The following DIS3L2 variants were observed in gnomAD, a reference collection of about 807,000 sequenced individuals.
DIS3L2 encodes the protein DIS3-like exonuclease 2.
A neutral mutation model predicts 97.5 loss-of-function variants in DIS3L2; 34 were observed. That is an observed-to-expected ratio of 0.35 (90% CI 0.27 to 0.46). The LOEUF (loss-of-function observed/expected upper bound fraction) is 0.46, where lower values mean the gene tolerates loss of function less well. DIS3L2 is among the 20% of genes least tolerant of loss of function. The pLI is 1.00. For synonymous variants in DIS3L2, 435 were observed against 445.2 expected, an observed-to-expected ratio of 0.98 and a Z score of 0.29; for missense variants, 1,038 against 1,146.0, an observed-to-expected ratio of 0.91 and a Z score of 1.36.
intron 14 of DIS3L2, among the ~76,000 whole-genome samples, chr2:232,327,867 C>T (rs1695621008): frequency 6.6e-6 from 1 of 152,238 alleles, no homozygotes; most frequent in Non-Finnish European, 1.5e-5. Context: ...CCTGCCAGTG[C>T]AGAACCTGTT....
intron 9 of DIS3L2, among the ~76,000 whole-genome samples, chr2:232,200,422 G>T (rs1193297516): frequency 6.6e-6 from 1 of 152,212 alleles, no homozygotes; most frequent in Non-Finnish European, 1.5e-5. Flanking sequence ...CCTTAGGGAA[G>T]TCGGTAATTA....
At position 232,238,634 on chromosome 2, in the gene DIS3L2, T is replaced by G; in HGVS notation, c.1306T>G (p.Leu436Val). Residue 436 changes from leucine to valine, a missense_variant, in exon 11 of 21, where the codon TTG becomes GTG. Physicochemically the swap from Leu to Val is conservative, Grantham distance 32. This residue lies in a region of DIS3L2 where 813 missense variants were observed against 880.1 expected (regional missense o/e 0.92). Coordinates refer to ENST00000325385, the MANE Select transcript of DIS3L2 (RefSeq NM_152383.5). ...TGCCGAGAGGGCTACAAGCGTCTACTTGGTTCAAAAGGTAAAAATCCATCT... is the reference window on the plus strand; with the variant it reads ...TGCCGAGAGGGCTACAAGCGTCTACGTGGTTCAAAAGGTAAAAATCCATCT... Reference protein sequence around the residue: ...VAAERATSVYLVQKVVPMLPR... With the variant: ...VAAERATSVYVVQKVVPMLPR... 3 of 1,613,656 alleles carry G rather than the reference T, an allele frequency of 1.9e-6. No homozygotes were observed.
At chr2:232,158,522 C>T (rs1690563581) in intron 8 of DIS3L2, among the ~76,000 whole-genome samples, 1 of 152,114 alleles carries the variant, frequency 6.6e-6, no homozygotes, top group African/African-American at 2.4e-5. Context: ...ATACTAAGTC[C>T]CTAACTTTCA....
intron 10 of DIS3L2, among the ~76,000 whole-genome samples, chr2:232,215,254 C>G (rs1291170142): frequency 6.6e-6 from 1 of 152,192 alleles, no homozygotes. Flanking sequence ...CTCCTTGCTG[C>G]TTTCCTCTCT....
At chr2:232,218,503 T>A (rs1284228777) in intron 10 of DIS3L2, among the ~76,000 whole-genome samples, 1 of 152,170 alleles carries the variant, frequency 6.6e-6, no homozygotes, top group African/African-American at 2.4e-5. Context: ...ATCTTAGCAC[T>A]TTGGGAGGCC....
chr2:232,044,889 C>G (rs1003200242), intron 5 of DIS3L2, among the ~76,000 whole-genome samples: 1 of 152,072 alleles, frequency 6.6e-6, no homozygotes, highest in African/African-American at 2.4e-5. Context: ...CTCAGCCTCC[C>G]AAAATGCTGG....
intron 14 of DIS3L2, among the ~76,000 whole-genome samples, chr2:232,304,607 G>A (rs1019635177): frequency 6.6e-6 from 1 of 152,158 alleles, no homozygotes; most frequent in Admixed American, 6.6e-5. Context: ...CCATCCCCAC[G>A]GCTACCCTCC....
At chr2:232,257,633 T>C (rs994357875) in intron 12 of DIS3L2, among the ~76,000 whole-genome samples, 1 of 152,258 alleles carries the variant, frequency 6.6e-6, no homozygotes, top group African/African-American at 2.4e-5. Context: ...AGTGATTTTG[T>C]ACCTAATTAT....
intron 1 of DIS3L2, among the ~76,000 whole-genome samples, chr2:231,986,562 A>T (rs1693419967): frequency 6.6e-6 from 1 of 152,144 alleles, no homozygotes; most frequent in Non-Finnish European, 1.5e-5. Flanking sequence ...AGCTCTTTAC[A>T]TTGTCTTCTG....
intron 13 of DIS3L2, among the ~76,000 whole-genome samples, chr2:232,267,687 T>C (rs908588839): frequency 6.6e-6 from 1 of 152,192 alleles, no homozygotes; most frequent in Admixed American, 6.5e-5. Flanking sequence ...GGAAGTTTGC[T>C]CTCTGCCTGG....
At chr2:232,136,772 G>A (rs1286766282) in intron 8 of DIS3L2, 53 bp downstream of exon 8, 1 of 1,586,800 alleles carries the variant, frequency 6.3e-7, no homozygotes, top group African/African-American at 1.4e-5. Context: ...ACTCAGTTTA[G>A]GTGGTCTTTA....
chr2:232,260,815 C>G (rs779348919), intron 12 of DIS3L2: 7 of 152,198 alleles, frequency 4.6e-5, no homozygotes, highest in Non-Finnish European at 1.0e-4. Flanking sequence ...AAGCTGTATT[C>G]CCTGGAGGCT....
rs757058664 is a variant in DIS3L2, at chr2:232,319,515, T to C, written c.1740-10298T>C. 1.0e-3 allele frequency among the ~76,000 whole-genome samples: 159 copies of C among 152,120 alleles called. 4 individuals carry two copies. Among genetic ancestry groups the C allele is most frequent in the Non-Finnish European group, 2.9e-4 (20 of 67,996 alleles). On this transcript the variant is annotated intron_variant, in intron 14 of 20. Transcript: ENST00000325385. The stretch of plus-strand genomic sequence containing the variant: ...CGGACCACACAGGGCCCTCCTGGGG[T>C]GTTGGGCAAGGCCTCCTCCCAGGCA...
At chr2:232,065,770 A>C (rs961063321) in intron 5 of DIS3L2, among the ~76,000 whole-genome samples, 3 of 151,984 alleles carry the variant, frequency 2.0e-5, no homozygotes, top group Non-Finnish European at 4.4e-5. Flanking sequence ...AATGGCATAG[A>C]TTGGAGTTGT....
chr2:232,182,843 C>G (rs553749051), intron 9 of DIS3L2, among the ~76,000 whole-genome samples: 3 of 152,280 alleles, frequency 2.0e-5, no homozygotes, highest in South Asian at 4.1e-4. Context: ...TGTGGCAGCT[C>G]TGGAAATCAT....
intron 1 of DIS3L2, among the ~76,000 whole-genome samples, chr2:231,964,147 G>GT (rs1157731860): frequency 6.6e-6 from 1 of 152,114 alleles, no homozygotes; most frequent in East Asian, 1.9e-4. Context: ...TTCTCCATTT[G>GT]TTTTTTGTCA....
chr2:232,003,013 G>A (rs1410274482), intron 1 of DIS3L2, among the ~76,000 whole-genome samples: 1 of 152,146 alleles, frequency 6.6e-6, no homozygotes, highest in African/African-American at 2.4e-5. Context: ...GGGGAGAGTA[G>A]GAACTTCATC....
chr2:232,016,922 C>T (rs961703811), intron 3 of DIS3L2, among the ~76,000 whole-genome samples: 3 of 120,464 alleles, frequency 2.5e-5, no homozygotes, highest in South Asian at 6.3e-4. Context: ...CCCTCCCTCT[C>T]TCCCTCCCTC....
At chr2:232,337,850 G>A (rs1050394365), downstream of DIS3L2, among the ~76,000 whole-genome samples, 33 of 151,498 alleles carry the variant, frequency 2.2e-4, 1 homozygote, top group African/African-American at 6.6e-4. Context: ...ACCGTCAGAC[G>A]GGGCTGGCTA....
Sources: allele counts gnomAD v4.1 joint callset (sites outside exome capture counted in the v4.1 genomes callset), GRCh38; gene constraint gnomAD v4.1.1; regional missense constraint gnomAD v4.1.1; transcripts MANE v1.5; gene names NCBI Gene and HGNC (gene_info 2026-07-23, HGNC 2026-07-21).